PPP3CA: variants seen among roughly 807,000 people sequenced by gnomAD.
PPP3CA encodes protein phosphatase 3 catalytic subunit alpha.
PPP3CA carries 14 observed loss-of-function variants against 66.5 expected under a neutral mutation model. That is an observed-to-expected ratio of 0.21 (90% CI 0.14 to 0.33). The LOEUF (loss-of-function observed/expected upper bound fraction) is 0.33, where lower values mean the gene tolerates loss of function less well. Ranked by LOEUF, PPP3CA falls within the 10% of genes least tolerant of loss-of-function variation. PPP3CA has a pLI of 1.00. For missense variants in PPP3CA, 317 were observed against 639.5 expected, an observed-to-expected ratio of 0.50 and a Z score of 5.44; for synonymous variants, 232 against 226.2, an observed-to-expected ratio of 1.03 and a Z score of -0.23.
chr4:101,192,030 C>T (rs1247260602), intron 2 of PPP3CA, among the ~76,000 whole-genome samples: 3 of 152,130 alleles, frequency 2.0e-5, no homozygotes, highest in Non-Finnish European at 4.4e-5. Context: ...ACCTAAGCTC[C>T]CGGTCTGCTT....
chr4:101,038,887 T>C (rs1003414633), intron 11 of PPP3CA, among the ~76,000 whole-genome samples: 5 of 152,238 alleles, frequency 3.3e-5, no homozygotes, highest in African/African-American at 1.2e-4. Flanking sequence ...TTATTTTCTA[T>C]TAACATGTGC....
rs770538952 is a variant in PPP3CA at position 101,099,865 on chromosome 4, T to C, written c.385-143A>G. Reference sequence around the variant, plus strand: ...AAAGGCTGGAACTTAGTAGAGAAGATATTGACAATCAAATAGGAAACATTA... The same window carrying C: ...AAAGGCTGGAACTTAGTAGAGAAGACATTGACAATCAAATAGGAAACATTA... On this transcript the variant is annotated intron_variant, in intron 3 of 13. Transcript: ENST00000394854. 4.2e-4 allele frequency: 165 copies of C among 394,644 alleles called. 1 individual carries two copies. The highest frequency in any genetic ancestry group is 6.2e-4 in the Admixed American group (14 of 22,680). The allele number at this position is 394,644 out of a possible 1,614,324, so 24.4% of individuals were successfully genotyped here. A position where few individuals can be genotyped will look rare whatever the true frequency, so the allele number is the denominator to read the frequency against.
chr4:101,266,791 A>T (rs1727181841), intron 1 of PPP3CA, among the ~76,000 whole-genome samples: 1 of 152,226 alleles, frequency 6.6e-6, no homozygotes, highest in Non-Finnish European at 1.5e-5. Flanking sequence ...CATTCACTAA[A>T]GAAAATTAAG....
intron 8 of PPP3CA, among the ~76,000 whole-genome samples, chr4:101,064,674 C>T (rs943744439): frequency 6.6e-6 from 1 of 152,032 alleles, no homozygotes; most frequent in Non-Finnish European, 1.5e-5. Flanking sequence ...CTTTCGCCCT[C>T]TTTAATATGA....
intron 1 of PPP3CA, among the ~76,000 whole-genome samples, chr4:101,278,972 G>C (rs546322836): frequency 1.3e-5 from 2 of 152,084 alleles, no homozygotes; most frequent in African/African-American, 2.4e-5. Flanking sequence ...TATGAAAACC[G>C]ATCAATTTCC....
chr4:101,167,416 T>A (rs1723726179), intron 2 of PPP3CA, among the ~76,000 whole-genome samples: 1 of 152,194 alleles, frequency 6.6e-6, no homozygotes, highest in Non-Finnish European at 1.5e-5. Flanking sequence ...AACATTTAAA[T>A]CGTTACCGAA....
At chr4:101,181,516 G>A (rs969408990) in intron 2 of PPP3CA, among the ~76,000 whole-genome samples, 2 of 152,034 alleles carry the variant, frequency 1.3e-5, no homozygotes, top group African/African-American at 2.4e-5. Flanking sequence ...ATAAAGTGGA[G>A]GTTCCTCTGT....
intron 1 of PPP3CA, among the ~76,000 whole-genome samples, chr4:101,330,892 T>TA (rs1278660365): frequency 6.6e-6 from 1 of 152,182 alleles, no homozygotes; most frequent in Non-Finnish European, 1.5e-5. Context: ...TCGTTTGTGT[T>TA]ATAACACCAT....
chr4:101,263,811 T>A (rs1410354114), intron 1 of PPP3CA, among the ~76,000 whole-genome samples: 1 of 152,202 alleles, frequency 6.6e-6, no homozygotes, highest in Admixed American at 6.5e-5. Flanking sequence ...ATTAGCTTTA[T>A]TTTATATTGT....
chr4:101,210,315 A>G (rs1725261980), intron 1 of PPP3CA, among the ~76,000 whole-genome samples: 1 of 152,170 alleles, frequency 6.6e-6, no homozygotes, highest in African/African-American at 2.4e-5. Context: ...GGAATTTCAA[A>G]CATTTCTTCA....
chr4:101,288,313 T>C (rs1001300286), intron 1 of PPP3CA, among the ~76,000 whole-genome samples: 2 of 152,194 alleles, frequency 1.3e-5, no homozygotes, highest in African/African-American at 2.4e-5. Flanking sequence ...TCTACTTTTG[T>C]ACAAGTCTTA....
rs183828310 is a variant in PPP3CA at position 101,154,446 on chromosome 4, T to C, written c.259+41470A>G. 2.6e-4 allele frequency among the ~76,000 whole-genome samples: 40 copies of C among 152,344 alleles called. 3 individuals are homozygous for C. Among genetic ancestry groups the C allele is most frequent in the African/African-American group, 9.4e-4 (39 of 41,574 alleles). On this transcript the variant is annotated intron_variant, in intron 2 of 13. Transcript: ENST00000394854. ...TGTACAAGAATTTGGAAATGGTTCT[T>C]TTCCCAGATTGGTGGAAAGGGTGGG...
chr4:101,252,258 G>C (rs1424316037), intron 1 of PPP3CA, among the ~76,000 whole-genome samples: 3 of 152,048 alleles, frequency 2.0e-5, no homozygotes, highest in Non-Finnish European at 4.4e-5. Flanking sequence ...CCAGCACAAT[G>C]ACATTTTCCC....
At position 101,106,433 on chromosome 4, in the gene PPP3CA, GAAAGAAAGAAAGAAAGAAAGA is replaced by G. The variant is rs1730704247; in HGVS notation, c.384+2500_384+2520del. Among the ~76,000 whole-genome samples the G allele has an allele frequency of 2.1e-3, 25 of 11,738 alleles. 7 individuals are homozygous for G. The highest frequency in any genetic ancestry group is 6.3e-3 in the African/African-American group (23 of 3,676). The allele number at this position is 11,738 out of a possible 152,430, so 7.7% of individuals were successfully genotyped here. On this transcript the variant is annotated intron_variant, in intron 3 of 13. Coordinates refer to ENST00000394854, the MANE Select transcript of PPP3CA (RefSeq NM_000944.5). ...AGAAAGAAAGAAAGAAAGAAAGAAA[GAAAGAAAGAAAGAAAGAAAGA>G]GAAAAGAAAAGAAAAGAAAAGAAAA...
chr4:101,029,919 G>A (rs867792425), intron 12 of PPP3CA, among the ~76,000 whole-genome samples: 2 of 151,756 alleles, frequency 1.3e-5, no homozygotes, highest in Non-Finnish European at 2.9e-5. Flanking sequence ...TTTCCTTAGT[G>A]GAATATCCTT....
intron 1 of PPP3CA, among the ~76,000 whole-genome samples, chr4:101,255,046 A>T (rs1400486505): frequency 1.3e-5 from 2 of 151,448 alleles, no homozygotes; most frequent in African/African-American, 2.4e-5. Flanking sequence ...AAAAAAAAAA[A>T]AAAAAAAAAG....
intron 1 of PPP3CA, among the ~76,000 whole-genome samples, chr4:101,247,806 G>A (rs1726536990): frequency 6.6e-6 from 1 of 152,082 alleles, no homozygotes; most frequent in South Asian, 2.1e-4. Context: ...CAAAATAGTA[G>A]CAGCAAACTA....
intron 1 of PPP3CA, among the ~76,000 whole-genome samples, chr4:101,278,843 C>G (rs1417088540): frequency 1.3e-5 from 2 of 152,188 alleles, no homozygotes; most frequent in East Asian, 3.8e-4. Flanking sequence ...CATCTGGCCC[C>G]CTTTGTGCCA....
At chr4:101,106,456 A>AAAGAAAGAAAGAAAG (rs1560605199) in intron 3 of PPP3CA, among the ~76,000 whole-genome samples, 1 of 23,906 alleles carries the variant, frequency 4.2e-5, no homozygotes, top group Non-Finnish European at 7.4e-5. Context: ...AAAGAAAGAG[A>AAAGAAAGAAAGAAAG]AAAGAAAAGA....
Sources: allele counts gnomAD v4.1 joint callset (sites outside exome capture counted in the v4.1 genomes callset), GRCh38; gene constraint gnomAD v4.1.1; transcripts MANE v1.5; gene names NCBI Gene and HGNC (gene_info 2026-07-23, HGNC 2026-07-21).